Variants in NTNG1 observed in about 807,000 individuals in gnomAD.
NTNG1 encodes netrin-G1.
NTNG1 carries 16 observed loss-of-function variants against 54.0 expected under a neutral mutation model. That is an observed-to-expected ratio of 0.30 (90% CI 0.20 to 0.45). NTNG1 has a LOEUF of 0.45. NTNG1 is among the 20% of genes least tolerant of loss of function. The pLI, the probability that NTNG1 is intolerant of heterozygous loss-of-function variation, is 1.00. For synonymous variants in NTNG1, 255 were observed against 263.1 expected, an observed-to-expected ratio of 0.97 and a Z score of 0.30; for missense variants, 530 against 678.7, an observed-to-expected ratio of 0.78 and a Z score of 2.43.
chr1:107,311,506 T>A (rs1209353597), intron 2 of NTNG1, among the ~76,000 whole-genome samples: 1 of 152,160 alleles, frequency 6.6e-6, no homozygotes, highest in Admixed American at 6.5e-5. Flanking sequence ...AAATAGGCAC[T>A]CTGTACTTGG....
intron 4 of NTNG1, among the ~76,000 whole-genome samples, chr1:107,406,745 A>G (rs954392122): frequency 1.3e-5 from 2 of 152,164 alleles, no homozygotes; most frequent in Non-Finnish European, 2.9e-5. Flanking sequence ...CAATACTCTG[A>G]GTGATTTACA....
At chr1:107,379,989 C>T (rs1258121727) in intron 3 of NTNG1, among the ~76,000 whole-genome samples, 1 of 152,134 alleles carries the variant, frequency 6.6e-6, no homozygotes, top group Non-Finnish European at 1.5e-5. Context: ...TTGAGAGTTG[C>T]TCCTGGGAAG....
intron 2 of NTNG1, among the ~76,000 whole-genome samples, chr1:107,224,583 G>A (rs996138463): frequency 6.6e-5 from 10 of 152,090 alleles, no homozygotes; most frequent in Admixed American, 2.0e-4. Context: ...GAAGCTATTT[G>A]AGTAGCTTCT....
chr1:107,334,378 G>A (rs989832774), intron 3 of NTNG1, among the ~76,000 whole-genome samples: 1 of 151,830 alleles, frequency 6.6e-6, no homozygotes, highest in Admixed American at 6.6e-5. Context: ...GGGAAGCAAA[G>A]CTGTTATAAC....
At chr1:107,322,506 A>G (rs1044424913) in intron 2 of NTNG1, among the ~76,000 whole-genome samples, 1 of 152,142 alleles carries the variant, frequency 6.6e-6, no homozygotes, top group Non-Finnish European at 1.5e-5. Flanking sequence ...TTTAGAATTT[A>G]TAAATCCTGA....
At chr1:107,175,434 A>G (rs531332477) in intron 2 of NTNG1, among the ~76,000 whole-genome samples, 18 of 152,298 alleles carry the variant, frequency 1.2e-4, no homozygotes, top group African/African-American at 4.1e-4. Flanking sequence ...GGATATTACT[A>G]GATTTCTTAG....
At chr1:107,420,375 C>T (rs1446364531) in intron 5 of NTNG1, among the ~76,000 whole-genome samples, 1 of 152,060 alleles carries the variant, frequency 6.6e-6, no homozygotes, top group African/African-American at 2.4e-5. Flanking sequence ...CAGTTCTATG[C>T]AGCCATAATT....
At chr1:107,384,276 C>G (rs1289100408) in intron 3 of NTNG1, among the ~76,000 whole-genome samples, 1 of 152,180 alleles carries the variant, frequency 6.6e-6, no homozygotes. Context: ...ATCATGTAAT[C>G]TGATGCTTCA....
intron 5 of NTNG1, among the ~76,000 whole-genome samples, chr1:107,419,199 T>A (rs1333208211): frequency 6.6e-6 from 1 of 151,172 alleles, no homozygotes; most frequent in Non-Finnish European, 1.5e-5. Flanking sequence ...CCTTTCTCAC[T>A]CCCTGTCTCC....
intron 2 of NTNG1, among the ~76,000 whole-genome samples, chr1:107,231,953 T>C (rs1661096128): frequency 6.6e-6 from 1 of 152,176 alleles, no homozygotes; most frequent in Non-Finnish European, 1.5e-5. Flanking sequence ...TATCTGTGAG[T>C]ATTTTATACT....
At chr1:107,389,620 C>A (rs1032736836) in intron 3 of NTNG1, among the ~76,000 whole-genome samples, 4 of 152,190 alleles carry the variant, frequency 2.6e-5, no homozygotes, top group African/African-American at 9.7e-5. Context: ...GACTAGAGCT[C>A]ACTTTTTCTT....
chr1:107,200,287 C>T (rs900244173), intron 2 of NTNG1, among the ~76,000 whole-genome samples: 1 of 151,700 alleles, frequency 6.6e-6, no homozygotes, highest in East Asian at 1.9e-4. Context: ...ATCCTGGCAC[C>T]CTCCATTTCA....
intron 2 of NTNG1, among the ~76,000 whole-genome samples, chr1:107,203,003 A>T (rs1027798815): frequency 3.9e-5 from 6 of 152,020 alleles, no homozygotes; most frequent in African/African-American, 1.4e-4. Context: ...CCAAAATTTA[A>T]AATTATTTAA....
intron 3 of NTNG1, among the ~76,000 whole-genome samples, chr1:107,379,396 C>T (rs954718721): frequency 2.6e-5 from 4 of 152,218 alleles, no homozygotes; most frequent in African/African-American, 9.7e-5. Context: ...CAGGGATCAA[C>T]AGTGGCCTTC....
chr1:107,448,454 C>T (rs1403872685), intron 7 of NTNG1, among the ~76,000 whole-genome samples: 1 of 152,048 alleles, frequency 6.6e-6, no homozygotes, highest in Non-Finnish European at 1.5e-5. Context: ...TGTGATCCCT[C>T]AATGGGTATG....
At chr1:107,152,829 T>C (rs1014230354) in intron 2 of NTNG1, among the ~76,000 whole-genome samples, 25 of 152,226 alleles carry the variant, frequency 1.6e-4, no homozygotes, top group Non-Finnish European at 2.9e-4. Context: ...TACTAAAAAA[T>C]TGGAGAAAAT....
At chr1:107,461,100 A>G (rs1320770060) in intron 7 of NTNG1, among the ~76,000 whole-genome samples, 8 of 152,240 alleles carry the variant, frequency 5.3e-5, no homozygotes, top group Non-Finnish European at 1.0e-4. Flanking sequence ...CGTGAATTCT[A>G]TACCAGCCAC....
chr1:107,299,583 G>T (rs866142471), intron 2 of NTNG1, among the ~76,000 whole-genome samples: 1 of 152,144 alleles, frequency 6.6e-6, no homozygotes, highest in Non-Finnish European at 1.5e-5. Flanking sequence ...CAGATGAGGA[G>T]ATTGAAACAC....
At chr1:107,189,202 T>C (rs1657701974) in intron 2 of NTNG1, among the ~76,000 whole-genome samples, 1 of 151,692 alleles carries the variant, frequency 6.6e-6, no homozygotes, top group Non-Finnish European at 1.5e-5. Context: ...AATACAAAAA[T>C]TAGCTGGGAG....
Sources: allele counts gnomAD v4.1 joint callset (sites outside exome capture counted in the v4.1 genomes callset), GRCh38; gene constraint gnomAD v4.1.1; transcripts MANE v1.5; gene names NCBI Gene and HGNC (gene_info 2026-07-23, HGNC 2026-07-21).